NCKAP5: variants seen among roughly 807,000 people sequenced by gnomAD.
The protein encoded by NCKAP5 is NCK associated protein 5.
Under a neutral mutation model 167.0 loss-of-function variants are expected in NCKAP5, and 92 were observed. That is an observed-to-expected ratio of 0.55 (90% CI 0.47 to 0.66). NCKAP5 has a LOEUF of 0.66. Ranked by LOEUF, NCKAP5 falls within the 30% of genes least tolerant of loss-of-function variation. The pLI, the probability that NCKAP5 is intolerant of heterozygous loss-of-function variation, is 0.00. For synonymous variants in NCKAP5, 891 were observed against 877.4 expected (o/e 1.02, Z -0.27); for missense variants, 2,378 against 2,315.0 (o/e 1.03, Z -0.56).
chr2:132,971,286 C>T (rs771542712), intron 7 of NCKAP5, among the ~76,000 whole-genome samples: 1 of 151,964 alleles, frequency 6.6e-6, no homozygotes, highest in Admixed American at 6.6e-5. Context: ...AGGTGAGATC[C>T]GAGGGCACAG....
the NCKAP5 span, among the ~76,000 whole-genome samples, chr2:133,613,655 G>A: frequency 6.6e-6 from 1 of 152,128 alleles, no homozygotes; most frequent in Admixed American, 6.6e-5. Context: ...GCCATTTCTT[G>A]AATTTCACTG....
At chr2:133,445,452 T>C (rs1025481259) in intron 3 of NCKAP5, among the ~76,000 whole-genome samples, 3 of 152,256 alleles carry the variant, frequency 2.0e-5, no homozygotes, top group South Asian at 2.1e-4. Context: ...CACTGTTTTA[T>C]ATTTAAGAAA....
chr2:132,863,346 C>G (rs1403891007), intron 10 of NCKAP5, among the ~76,000 whole-genome samples: 1 of 150,566 alleles, frequency 6.6e-6, no homozygotes, highest in Non-Finnish European at 1.5e-5. Context: ...GAAACGGAAG[C>G]ATACAGTGTG....
At chr2:133,147,833 A>C (rs1439626406) in intron 5 of NCKAP5, among the ~76,000 whole-genome samples, 1 of 151,982 alleles carries the variant, frequency 6.6e-6, no homozygotes, top group Non-Finnish European at 1.5e-5. Context: ...CAAATGAGTG[A>C]CTCTAAGTCC....
chr2:133,297,958 G>A (rs1680085535), intron 4 of NCKAP5, among the ~76,000 whole-genome samples: 1 of 152,212 alleles, frequency 6.6e-6, no homozygotes, highest in Admixed American at 6.5e-5. Context: ...GGTTGTGCTT[G>A]TGAACATGAC....
intron 8 of NCKAP5, among the ~76,000 whole-genome samples, chr2:132,920,281 A>C (rs761068068): frequency 1.1e-4 from 17 of 152,134 alleles, no homozygotes; most frequent in Non-Finnish European, 2.2e-4. Context: ...AGGGCAGGTT[A>C]CTGGTCCTCT....
chr2:133,466,836 C>T (rs941205849), intron 3 of NCKAP5, among the ~76,000 whole-genome samples: 13 of 151,986 alleles, frequency 8.6e-5, no homozygotes, highest in Non-Finnish European at 1.6e-4. Context: ...TATAAGAATG[C>T]TTGTGATTTT....
At chr2:133,638,133 T>C in the NCKAP5 span, among the ~76,000 whole-genome samples, 1 of 152,196 alleles carries the variant, frequency 6.6e-6, no homozygotes, top group African/African-American at 2.4e-5. Context: ...GGAGGTATAT[T>C]TTCTGACAAA....
At chr2:133,173,852 C>T (rs2084346856) in intron 5 of NCKAP5, among the ~76,000 whole-genome samples, 1 of 152,102 alleles carries the variant, frequency 6.6e-6, no homozygotes, top group Non-Finnish European at 1.5e-5. Context: ...TTGACAATAT[C>T]CACATATGAC....
chr2:133,105,014 G>A (rs1047914111), intron 6 of NCKAP5, among the ~76,000 whole-genome samples: 1 of 152,196 alleles, frequency 6.6e-6, no homozygotes, highest in Admixed American at 6.5e-5. Flanking sequence ...CTAATAAGTA[G>A]CAGGCCTCCT....
intron 6 of NCKAP5, among the ~76,000 whole-genome samples, chr2:133,093,125 T>C (rs2149646065): frequency 6.6e-6 from 1 of 152,316 alleles, no homozygotes; most frequent in Non-Finnish European, 1.5e-5. Context: ...GCATAGTACC[T>C]AGGACAAGGT....
At position 132,783,761 on chromosome 2, in the gene NCKAP5, TG is replaced by T; in HGVS notation, c.3049del (p.Gln1017LysfsTer15). ...HPMPSPEAVIQTRCPAHAPSS... is the reference protein window; with the variant it reads ...HPMPSPEAVIXTRCPAHAPSS... ...GGGGGCATGAGCAGGGCATCGGGTT[TG>T]AATGACTGCTTCTGGGGAGGGCATA... On this transcript the variant is annotated frameshift_variant, in exon 14 of 20. Coordinates refer to ENST00000409261, the MANE Select transcript of NCKAP5 (RefSeq NM_207363.3). LOFTEE classifies it high-confidence loss of function. 1 of 1,589,968 alleles carries T rather than the reference TG, an allele frequency of 6.3e-7. No individual in the cohort carries two copies. Among genetic ancestry groups the T allele is most frequent in the Non-Finnish European group, 8.6e-7 (1 of 1,169,108 alleles).
At chr2:133,111,230 T>C (rs2149715986) in intron 6 of NCKAP5, among the ~76,000 whole-genome samples, 1 of 152,222 alleles carries the variant, frequency 6.6e-6, no homozygotes, top group Admixed American at 6.5e-5. Context: ...TAAGTGAAGG[T>C]GAATTTGTGA....
intron 8 of NCKAP5, among the ~76,000 whole-genome samples, chr2:132,888,691 CA>C (rs1273109604): frequency 6.6e-6 from 1 of 152,142 alleles, no homozygotes; most frequent in Admixed American, 6.5e-5. Context: ...GCACCCTGCC[CA>C]GTGTGTATAT....
At chr2:133,056,130 G>C (rs1015284014) in intron 6 of NCKAP5, among the ~76,000 whole-genome samples, 7 of 152,020 alleles carry the variant, frequency 4.6e-5, no homozygotes, top group African/African-American at 1.7e-4. Flanking sequence ...TATTTTGTCT[G>C]TACCACTTTC....
chr2:133,437,252 C>G (rs1437194900), intron 3 of NCKAP5, among the ~76,000 whole-genome samples: 1 of 151,918 alleles, frequency 6.6e-6, no homozygotes, highest in Non-Finnish European at 1.5e-5. Flanking sequence ...ACTCAGGAGG[C>G]TGAGGCAGGA....
chr2:133,296,988 A>G (rs1214998734), intron 4 of NCKAP5, among the ~76,000 whole-genome samples: 1 of 152,184 alleles, frequency 6.6e-6, no homozygotes, highest in Non-Finnish European at 1.5e-5. Flanking sequence ...TAGGAAAGAC[A>G]TTTTCAGCAC....
intron 5 of NCKAP5, among the ~76,000 whole-genome samples, chr2:133,136,311 G>T (rs1472882076): frequency 1.3e-5 from 2 of 152,156 alleles, no homozygotes; most frequent in Admixed American, 1.3e-4. Context: ...TCAGTGGGTG[G>T]TAATACTGCC....
chr2:133,367,290 G>A (rs1334537953), intron 3 of NCKAP5, among the ~76,000 whole-genome samples: 4 of 152,164 alleles, frequency 2.6e-5, no homozygotes, highest in South Asian at 2.1e-4. Context: ...AAGCCACAGC[G>A]GAGGTGACCT....
Sources: gnomAD v4.1 joint callset for allele counts (sites outside exome capture counted in the v4.1 genomes callset) on GRCh38, gnomAD v4.1.1 for gene constraint, MANE v1.5 for transcripts, NCBI Gene and HGNC (gene_info 2026-07-23, HGNC 2026-07-21) for gene names.